The following FRMD6 variants were observed in gnomAD, a reference collection of about 807,000 sequenced individuals.
The protein encoded by FRMD6 is FERM domain-containing protein 6.
FRMD6 carries 37 observed loss-of-function variants against 73.2 expected under a neutral mutation model. The observed-to-expected ratio is 0.51, with a 90% CI of 0.39 to 0.66. FRMD6 has a LOEUF of 0.66. Among genes scored for constraint, FRMD6 ranks in the 30% least tolerant of loss-of-function variants. FRMD6 has a pLI of 0.00. For synonymous variants in FRMD6, 273 were observed against 282.2 expected (o/e 0.97, Z 0.33); for missense variants, 714 against 780.5 (o/e 0.91, Z 1.02).
the FRMD6 span, among the ~76,000 whole-genome samples, chr14:51,409,663 A>G: frequency 6.6e-6 from 1 of 152,128 alleles, no homozygotes; most frequent in Non-Finnish European, 1.5e-5. Context: ...CAGTGGTACA[A>G]TTTTGGATCA....
chr14:51,647,968 G>A (rs745376803), upstream of FRMD6, among the ~76,000 whole-genome samples: 6 of 152,018 alleles, frequency 3.9e-5, no homozygotes, highest in Non-Finnish European at 7.4e-5. Flanking sequence ...TGGGATTACC[G>A]GCATGTGCCA....
chr14:51,461,692 C>G, the FRMD6 span, among the ~76,000 whole-genome samples: 2 of 152,222 alleles, frequency 1.3e-5, no homozygotes, highest in Non-Finnish European at 2.9e-5. Context: ...TTCCTAAAAA[C>G]TCTGCCTGCC....
chr14:51,437,861 C>T, the FRMD6 span, among the ~76,000 whole-genome samples: 1 of 152,142 alleles, frequency 6.6e-6, no homozygotes, highest in African/African-American at 2.4e-5. Flanking sequence ...CCACTGAACT[C>T]TGTGGGAAAA....
At chr14:51,565,534 G>C (rs1199881344) in intron 1 of FRMD6, 16 of 152,246 alleles carry the variant, frequency 1.1e-4, no homozygotes, top group Non-Finnish European at 2.4e-4. Context: ...TTTCAGTCTT[G>C]AGAAATAGAC....
intron 1 of FRMD6, among the ~76,000 whole-genome samples, chr14:51,663,076 C>T (rs571922803): frequency 6.6e-6 from 1 of 152,276 alleles, no homozygotes; most frequent in Admixed American, 6.5e-5. Context: ...GATACCATCT[C>T]ACACCAGTCA....
At chr14:51,529,561 A>G (rs563687819) in intron 1 of FRMD6, among the ~76,000 whole-genome samples, 7 of 152,312 alleles carry the variant, frequency 4.6e-5, no homozygotes, top group Middle Eastern at 3.4e-3. Context: ...TGTGTTTCTT[A>G]TATATCCAGT....
At chr14:51,419,342 G>A in the FRMD6 span, among the ~76,000 whole-genome samples, 1 of 152,178 alleles carries the variant, frequency 6.6e-6, no homozygotes, top group Non-Finnish European at 1.5e-5. Context: ...TAGAGATGGG[G>A]TTTCACCATC....
chr14:51,496,367 G>T (rs1179911237), intron 1 of FRMD6, among the ~76,000 whole-genome samples: 1 of 152,174 alleles, frequency 6.6e-6, no homozygotes, highest in East Asian at 1.9e-4. Context: ...CACTTCTTTG[G>T]ATTAGTTAAG....
In FRMD6 at chr14:51,569,507, C is replaced by CTTTTTTTT. The variant is rs34661155; in HGVS notation, c.-209-830_-209-823dup. 7.4e-4 allele frequency among the ~76,000 whole-genome samples: 91 copies of CTTTTTTTT among 122,762 alleles called. 2 individuals are homozygous for CTTTTTTTT. Among genetic ancestry groups the CTTTTTTTT allele is most frequent in the Non-Finnish European group, 8.6e-4 (51 of 59,428 alleles). The allele number at this position is 122,762 out of a possible 152,430, so 80.5% of individuals were successfully genotyped here. On this transcript the variant is annotated intron_variant, in intron 1 of 14. Transcript: ENST00000356218. ...AGAATTTTCTTTTCTTTCTTTCTTT[C>CTTTTTTTT]TTTTTTTTTTTTTTTTTTCTGAATC...
At chr14:51,688,706 G>GT in intron 1 of FRMD6, among the ~76,000 whole-genome samples, 1 of 152,210 alleles carries the variant, frequency 6.6e-6, no homozygotes, top group South Asian at 2.1e-4. Flanking sequence ...ACTTGTCTTG[G>GT]TTGAATAGTG....
chr14:51,710,730 T>G (rs1896896070), intron 7 of FRMD6, among the ~76,000 whole-genome samples: 1 of 152,216 alleles, frequency 6.6e-6, no homozygotes, highest in African/African-American at 2.4e-5. Context: ...AATCTCATAA[T>G]GAAAATATTT....
rs7154867 is a variant in FRMD6 at position 51,588,268 on chromosome 14, G to T, written c.-147+17858G>T. Among the ~76,000 whole-genome samples the T allele has an allele frequency of 9.7e-3, 1,474 of 151,238 alleles. 28 individuals carry two copies. The highest frequency in any genetic ancestry group is 0.034 in the African/African-American group (1,391 of 41,240). ...GTTTTCTGTTAATCTTTGTTTTTTG[G>T]TTTTTTTAATTTTATTATTATTATA... On this transcript the variant is annotated intron_variant, in intron 2 of 14. Transcript: ENST00000356218.
intron 1 of FRMD6, among the ~76,000 whole-genome samples, chr14:51,550,699 G>T (rs1886775285): frequency 1.3e-5 from 2 of 152,074 alleles, no homozygotes; most frequent in Non-Finnish European, 2.9e-5. Flanking sequence ...AGAAAACCTT[G>T]ATTTGAACTG....
intron 13 of FRMD6, among the ~76,000 whole-genome samples, chr14:51,726,889 G>T (rs1485619000): frequency 3.3e-5 from 5 of 152,106 alleles, no homozygotes; most frequent in Non-Finnish European, 5.9e-5. Flanking sequence ...ATTCTAACAG[G>T]GTTGTCCTTT....
chr14:51,708,310 G>T, intron 7 of FRMD6, 77 bp downstream of exon 7: 1 of 1,330,100 alleles, frequency 7.5e-7, no homozygotes, highest in Non-Finnish European at 1.0e-6. Context: ...AAAACCGAAG[G>T]ATTTCATTTC....
At chr14:51,643,363 A>T (rs1339083409) in intron 2 of FRMD6, 4 of 152,226 alleles carry the variant, frequency 2.6e-5, no homozygotes, top group Non-Finnish European at 5.9e-5. Flanking sequence ...GATGAATAAA[A>T]AGTTGACCCA....
intron 2 of FRMD6, among the ~76,000 whole-genome samples, chr14:51,591,233 G>A (rs1889367268): frequency 6.6e-6 from 1 of 151,122 alleles, no homozygotes; most frequent in Non-Finnish European, 1.5e-5. Flanking sequence ...GAAGTATGTG[G>A]TGGTGTTGAA....
intron 1 of FRMD6, among the ~76,000 whole-genome samples, chr14:51,550,582 C>A (rs926701274): frequency 6.7e-6 from 1 of 150,356 alleles, no homozygotes; most frequent in Non-Finnish European, 1.5e-5. Flanking sequence ...GGGAGGAGAC[C>A]CCCCCGCCAT....
rs1311713289 is a variant in FRMD6 at position 51,728,962 on chromosome 14, G to A, written c.*933G>A. 2 of 152,102 alleles carry A rather than the reference G, an allele frequency of 1.3e-5. No homozygotes were observed. Among genetic ancestry groups the A allele is most frequent in the Admixed American group, 1.3e-4 (2 of 15,268 alleles). 9.4% of individuals were successfully genotyped at this position (152,102 alleles called of 1,614,324 possible). A position where few individuals can be genotyped will look rare whatever the true frequency, so the allele number is the denominator to read the frequency against. On this transcript the variant is annotated 3_prime_UTR_variant, in exon 14 of 14. Coordinates refer to ENST00000344768, the MANE Select transcript of FRMD6 (RefSeq NM_001267046.2). ...CATGGGATTGTGTATGTCTATATGT[G>A]TTTAAAGCTTACTATGTCTTCATTT...
Sources: allele counts gnomAD v4.1 joint callset (sites outside exome capture counted in the v4.1 genomes callset), GRCh38; gene constraint gnomAD v4.1.1; transcripts MANE v1.5; gene names NCBI Gene and HGNC (gene_info 2026-07-23, HGNC 2026-07-21).